OTUD7A: variants seen among roughly 807,000 people sequenced by gnomAD.
OTUD7A encodes the protein OTU domain-containing protein 7A.
Under a neutral mutation model 65.7 loss-of-function variants are expected in OTUD7A, and 12 were observed. The ratio of observed to expected loss-of-function variants is 0.18; its 90% CI spans 0.12 to 0.30. The LOEUF (loss-of-function observed/expected upper bound fraction) is 0.30, where lower values mean the gene tolerates loss of function less well. OTUD7A is among the 10% of genes least tolerant of loss of function. The probability of loss-of-function intolerance (pLI) is 1.00; values close to 1 mark genes in which losing one functional copy is unlikely to be tolerated. For synonymous variants in OTUD7A, 641 were observed against 586.3 expected (o/e 1.09, Z -1.35); for missense variants, 1,148 against 1,304.8 (o/e 0.88, Z 1.85).
chr15:31,604,558 C>T (rs1222196346), intron 3 of OTUD7A, among the ~76,000 whole-genome samples: 2 of 94,410 alleles, frequency 2.1e-5, no homozygotes, highest in Non-Finnish European at 4.5e-5. Context: ...CACAACTGCA[C>T]ATTCTGCACA....
chr15:31,621,935 C>T (rs897549370), intron 3 of OTUD7A, among the ~76,000 whole-genome samples: 3 of 152,156 alleles, frequency 2.0e-5, no homozygotes, highest in African/African-American at 7.2e-5. Flanking sequence ...GTGCTTCCTT[C>T]AGGAGCTCTT....
At chr15:31,839,674 A>G (rs954016249) in intron 1 of OTUD7A, among the ~76,000 whole-genome samples, 2 of 152,156 alleles carry the variant, frequency 1.3e-5, no homozygotes, top group Non-Finnish European at 2.9e-5. Context: ...TTGAACCAAA[A>G]AGTGGGTTGA....
intron 3 of OTUD7A, among the ~76,000 whole-genome samples, chr15:31,578,767 G>C (rs903789223): frequency 1.3e-5 from 2 of 152,268 alleles, no homozygotes; most frequent in Admixed American, 1.3e-4. Flanking sequence ...GGTCAGGCTG[G>C]TCTCAAACTC....
At chr15:31,697,257 A>C (rs1893104142) in intron 1 of OTUD7A, among the ~76,000 whole-genome samples, 1 of 114,778 alleles carries the variant, frequency 8.7e-6, no homozygotes, top group Non-Finnish European at 2.0e-5. Flanking sequence ...GCCCCTCCTC[A>C]CCCTCAGGTT....
chr15:31,738,422 A>T (rs528808641), intron 1 of OTUD7A, among the ~76,000 whole-genome samples: 120 of 152,286 alleles, frequency 7.9e-4, no homozygotes, highest in Non-Finnish European at 1.3e-3. Flanking sequence ...TCCAGCCACC[A>T]CCATCAGCGC....
rs908707856 is a variant in OTUD7A at position 31,827,033 on chromosome 15, T to C, written c.-100+43474A>G. ...ACTTCCCCACATTTTCCTGTCTTCTTCGGAGCCCTCCAAACTGTTCCAACC... is the reference window on the plus strand; with the variant it reads ...ACTTCCCCACATTTTCCTGTCTTCTCCGGAGCCCTCCAAACTGTTCCAACC... On this transcript the variant is annotated intron_variant, in intron 1 of 12. Transcript: ENST00000307050. Among the ~76,000 whole-genome samples, 4 of 152,338 alleles carry C rather than the reference T, an allele frequency of 2.6e-5. No homozygotes were observed. In the South Asian group the frequency reaches 8.3e-4, roughly 32 times the overall value.
At chr15:31,534,028 T>C (rs1003227964) in intron 5 of OTUD7A, among the ~76,000 whole-genome samples, 2 of 152,188 alleles carry the variant, frequency 1.3e-5, no homozygotes, top group African/African-American at 4.8e-5. Context: ...AAAAAGGTTA[T>C]ACCAAGAGGT....
chr15:31,858,837 G>A (rs1897645996), intron 1 of OTUD7A, among the ~76,000 whole-genome samples: 1 of 152,170 alleles, frequency 6.6e-6, no homozygotes, highest in Non-Finnish European at 1.5e-5. Flanking sequence ...GGGAGGCAGT[G>A]GTGGAGCCCA....
At chr15:31,562,887 G>A (rs765149071) in intron 4 of OTUD7A, among the ~76,000 whole-genome samples, 10 of 152,058 alleles carry the variant, frequency 6.6e-5, no homozygotes, top group Non-Finnish European at 1.0e-4. Flanking sequence ...GTCTTTTTCT[G>A]GGCCCTGATT....
intron 5 of OTUD7A, among the ~76,000 whole-genome samples, chr15:31,537,504 C>T (rs2125623): frequency 0.33 from 50,079 of 152,080 alleles, 8,680 homozygotes; most frequent in African/African-American, 0.43. Context: ...AGGGCTTTAA[C>T]TGACACTACC....
At chr15:31,868,656 A>G (rs1897942624) in intron 1 of OTUD7A, among the ~76,000 whole-genome samples, 1 of 152,178 alleles carries the variant, frequency 6.6e-6, no homozygotes, top group African/African-American at 2.4e-5. Flanking sequence ...CAAGAATTAC[A>G]CACACTTGCT....
chr15:31,543,976 G>A (rs1209002948), intron 5 of OTUD7A, among the ~76,000 whole-genome samples: 3 of 151,796 alleles, frequency 2.0e-5, no homozygotes, highest in Non-Finnish European at 4.4e-5. Flanking sequence ...TAAAAAAACT[G>A]ATCATATTCT....
intron 1 of OTUD7A, among the ~76,000 whole-genome samples, chr15:31,782,780 C>T (rs1229567950): frequency 6.6e-6 from 1 of 152,104 alleles, no homozygotes; most frequent in African/African-American, 2.4e-5. Context: ...CTGATTATCT[C>T]AGTATTAAAG....
Position 31,484,696 on chromosome 15 carries a change from G to C in OTUD7A, c.1400C>G (p.Thr467Arg). 1 of 1,586,308 alleles carries C rather than the reference G, an allele frequency of 6.3e-7. No homozygotes were observed. Among genetic ancestry groups the C allele is most frequent in the Non-Finnish European group, 8.5e-7 (1 of 1,171,418 alleles). The change falls in exon 13 of 13, where the codon ACG (threonine) becomes AGG (arginine). Residue 467 changes from threonine (T) to arginine (R), a missense_variant. Physicochemically the swap from Thr to Arg is moderately conservative, Grantham distance 71. Around this residue, in one of 6 missense-constraint regions of OTUD7A, gnomAD observed 842 missense variants for 769.5 expected, o/e 1.09. Transcript: ENST00000307050. This position sits in a 1 kb window ranked among gnomAD's most constrained non-coding sequence, Gnocchi z 4.5. The stretch of plus-strand genomic sequence containing the variant: ...CTGCACGTCCTCCCCTGCCGAGGCC[G>C]TGGGAGACTCCGGCTGTGCCAGGGG... ...RAPLAQPESP[T>R]ASAGEDVQSL... is the part of the protein sequence containing the mutation.
chr15:31,778,274 G>T (rs1422153374), intron 1 of OTUD7A, among the ~76,000 whole-genome samples: 2 of 152,250 alleles, frequency 1.3e-5, no homozygotes, highest in Admixed American at 6.5e-5. Flanking sequence ...TGGTCACTTT[G>T]TAGCAATAAT....
At chr15:31,636,498 C>T (rs562754499) in intron 3 of OTUD7A, among the ~76,000 whole-genome samples, 123 of 152,106 alleles carry the variant, frequency 8.1e-4, no homozygotes, top group Non-Finnish European at 1.6e-3. Context: ...TGAGACACAA[C>T]ATATTAAAGT....
chr15:31,628,186 G>T (rs576789326), intron 3 of OTUD7A, among the ~76,000 whole-genome samples: 4 of 152,138 alleles, frequency 2.6e-5, no homozygotes, highest in Non-Finnish European at 5.9e-5. Flanking sequence ...GTCCTGAATG[G>T]TATTGCCTAG....
At chr15:31,537,121 G>A (rs558368145) in intron 5 of OTUD7A, among the ~76,000 whole-genome samples, 23 of 152,100 alleles carry the variant, frequency 1.5e-4, no homozygotes, top group Non-Finnish European at 2.8e-4. Flanking sequence ...TAAAGACTGC[G>A]AGTAAGCTTG....
chr15:31,814,170 T>C (rs551859592), intron 1 of OTUD7A, among the ~76,000 whole-genome samples: 1 of 152,348 alleles, frequency 6.6e-6, no homozygotes, highest in Admixed American at 6.5e-5. Flanking sequence ...AAACCCTCTT[T>C]CTGGGTTTCA....
Sources: gnomAD v4.1 joint callset for allele counts (sites outside exome capture counted in the v4.1 genomes callset) on GRCh38, gnomAD v4.1.1 for gene constraint, gnomAD v4.1.1 regional missense constraint, Gnocchi (gnomAD v3.1) non-coding constraint, MANE v1.5 for transcripts, NCBI Gene and HGNC (gene_info 2026-07-23, HGNC 2026-07-21) for gene names.